The following FBRSL1 variants were observed in gnomAD, a reference collection of about 807,000 sequenced individuals.
The protein encoded by FBRSL1 is fibrosin like 1.
Under a neutral mutation model 89.6 loss-of-function variants are expected in FBRSL1, and 51 were observed. That is an observed-to-expected ratio of 0.57 (90% CI 0.45 to 0.72). The LOEUF (loss-of-function observed/expected upper bound fraction) is 0.72, where lower values mean the gene tolerates loss of function less well. Ranked by LOEUF, FBRSL1 falls within the 30% of genes least tolerant of loss-of-function variation. The pLI is 0.00. For missense variants in FBRSL1, 1,618 were observed against 1,451.8 expected (o/e 1.11, Z -1.86); for synonymous variants, 779 against 681.1 (o/e 1.14, Z -2.24).
intron 1 of FBRSL1, 29 bp downstream of exon 1, chr12:132,490,890 G>A: frequency 7.6e-7 from 1 of 1,317,420 alleles, no homozygotes; most frequent in Non-Finnish European, 9.7e-7. Context: ...CTTCGCAGGC[G>A]TTGAGGCGAG....
At position 132,583,380 on chromosome 12, in the gene FBRSL1, GC is replaced by G; in HGVS notation, c.2615del (p.Pro872ArgfsTer89). The G allele has an allele frequency of 9.1e-7, 1 of 1,093,534 alleles. No individual in the cohort carries two copies. The highest frequency in any genetic ancestry group is 3.0e-5 in the South Asian group (1 of 33,084). 67.7% of individuals were successfully genotyped at this position (1,093,534 alleles called of 1,614,324 possible). A position where few individuals can be genotyped will look rare whatever the true frequency, so the allele number is the denominator to read the frequency against. On this transcript the variant is annotated frameshift_variant, in exon 19 of 19. Transcript: ENST00000680143. LOFTEE classifies it high-confidence loss of function. ...PRRAFPAAAP[A>X]PGSAALLEPP... ...TCGCGCCTTCCCCGCTGCCGCCCCCGCCCCGGGCTCCGCCGCCCTCTTGGAG... is the reference window on the plus strand; with the variant it reads ...TCGCGCCTTCCCCGCTGCCGCCCCCGCCCGGGCTCCGCCGCCCTCTTGGAG...
chr12:132,550,864 A>T (rs1593451330), intron 5 of FBRSL1: 1 of 157,102 alleles, frequency 6.4e-6, no homozygotes, highest in East Asian at 1.8e-4. Context: ...AGGAGGCCTC[A>T]GGTCCCTCCT....
At chr12:132,508,724 G>T (rs1433795189) in intron 2 of FBRSL1, among the ~76,000 whole-genome samples, 7 of 152,270 alleles carry the variant, frequency 4.6e-5, no homozygotes, top group Non-Finnish European at 7.3e-5. Flanking sequence ...CAGGCTCATT[G>T]CCGAGGGCTG....
chr12:132,508,149 G>A lies in FBRSL1; in HGVS notation c.292-4G>A. On this transcript the variant is annotated splice_region_variant and splice_polypyrimidine_tract_variant and intron_variant, in intron 1 of 18. Coordinates refer to ENST00000680143, the MANE Select transcript of FBRSL1 (RefSeq NM_001367871.1). ...TTAACTGGCGTTTCCCTGTCTCCCT[G>A]CAGAAGGATATGGCCCTGAAGCCAC... The A allele has an allele frequency of 2.6e-6, 4 of 1,550,930 alleles. No individual in the cohort carries two copies. The highest frequency in any genetic ancestry group is 3.5e-6 in the Non-Finnish European group (4 of 1,146,872).
chr12:132,503,062 G>T (rs952569486), intron 1 of FBRSL1, among the ~76,000 whole-genome samples: 3 of 152,028 alleles, frequency 2.0e-5, no homozygotes, highest in Admixed American at 1.3e-4. Context: ...CTCCCAAGGG[G>T]TGGAGTGCAG....
intron 18 of FBRSL1, among the ~76,000 whole-genome samples, 194 bp downstream of exon 18, chr12:132,582,460 C>T (rs370315060): frequency 2.7e-5 from 4 of 149,462 alleles, no homozygotes; most frequent in East Asian, 4.1e-4. Flanking sequence ...CCCACTGCTG[C>T]GCACTCACAG....
In FBRSL1 at chr12:132,499,695, G is replaced by T. The variant is rs1290423820; in HGVS notation, c.292-8458G>T. Among the ~76,000 whole-genome samples the T allele has an allele frequency of 6.6e-6, 1 of 152,064 alleles. No homozygotes were observed. Among genetic ancestry groups the T allele is most frequent in the East Asian group, 1.9e-4 (1 of 5,166 alleles). On this transcript the variant is annotated intron_variant, in intron 1 of 18. Coordinates refer to ENST00000680143, the MANE Select transcript of FBRSL1 (RefSeq NM_001367871.1). The surrounding 1 kb of genome is among the most constrained non-coding windows in gnomAD (Gnocchi z 4.3). Reference sequence around the variant, plus strand: ...TGGCAGGCAGGCTGGAGACAGCTGGGGGCTGTGGCTGGGGGGCTGCAGGGC... The same window carrying T: ...TGGCAGGCAGGCTGGAGACAGCTGGTGGCTGTGGCTGGGGGGCTGCAGGGC...
intron 5 of FBRSL1, among the ~76,000 whole-genome samples, chr12:132,563,553 C>CATTT (rs1209496348): frequency 4.6e-5 from 7 of 152,100 alleles, no homozygotes; most frequent in African/African-American, 1.4e-4. Flanking sequence ...TCCGTCTGTC[C>CATTT]GTTTGCCTGT....
chr12:132,531,623 G>C (rs998240314), intron 4 of FBRSL1, among the ~76,000 whole-genome samples: 1 of 152,168 alleles, frequency 6.6e-6, no homozygotes, highest in Admixed American at 6.5e-5. Context: ...ATGTGGCATT[G>C]TGTTGTGCAC....
intron 15 of FBRSL1, chr12:132,580,976 A>C: frequency 1.0e-6 from 1 of 985,476 alleles, no homozygotes; most frequent in Non-Finnish European, 1.2e-6. Context: ...GGAATGCCAC[A>C]AGGGGCTGCC....
chr12:132,580,637 C>G (rs2040681501), intron 15 of FBRSL1, among the ~76,000 whole-genome samples: 1 of 152,216 alleles, frequency 6.6e-6, no homozygotes, highest in Admixed American at 6.5e-5. Context: ...AGAGTGGCAT[C>G]AGCTTTCATG....
At chr12:132,576,159 G>A (rs2040367932) in intron 14 of FBRSL1, among the ~76,000 whole-genome samples, 1 of 147,202 alleles carries the variant, frequency 6.8e-6, no homozygotes, top group South Asian at 2.2e-4. Flanking sequence ...CAGCATATTT[G>A]GAACAACTTG....
chr12:132,560,501 C>T (rs1167977651), intron 5 of FBRSL1, among the ~76,000 whole-genome samples: 3 of 152,018 alleles, frequency 2.0e-5, no homozygotes, highest in Non-Finnish European at 4.4e-5. Context: ...TTGTGGGTGG[C>T]GCGCGCCTTT....
chr12:132,494,407 C>T (rs1018770165), intron 1 of FBRSL1, among the ~76,000 whole-genome samples: 5 of 152,240 alleles, frequency 3.3e-5, no homozygotes, highest in Admixed American at 2.0e-4. Flanking sequence ...CCATCCTTAT[C>T]TGGCCTCAGG....
chr12:132,564,051 C>T (rs2039385864), intron 5 of FBRSL1, among the ~76,000 whole-genome samples: 1 of 152,218 alleles, frequency 6.6e-6, no homozygotes, highest in Non-Finnish European at 1.5e-5. Flanking sequence ...CGGCTGCGTG[C>T]TCTTTGTGGT....
At chr12:132,527,803 CG>C in intron 3 of FBRSL1, 149 bp from the exon 4 acceptor site, 1 of 738,688 alleles carries the variant, frequency 1.4e-6, no homozygotes, top group Non-Finnish European at 2.3e-6. Context: ...TTGAGGGCTT[CG>C]GGTCTGTGGA....
chr12:132,511,550 CAG>C lies in FBRSL1; in HGVS notation c.489+3201_489+3202del. ...GGGGGCTTTGACTGTCTCCAGACCT[CAG>C]GGGAGCTGGGCAGGCTCTAACCAGT... On this transcript the variant is annotated intron_variant, in intron 2 of 18. Transcript: ENST00000680143. 6.1e-6 allele frequency: 6 copies of C among 985,728 alleles called. No individual in the cohort carries two copies. The South Asian group carries it at 2.8e-4, about 46-fold the overall frequency. The allele number at this position is 985,728 out of a possible 1,614,324, so 61.1% of individuals were successfully genotyped here. A position where few individuals can be genotyped will look rare whatever the true frequency, so the allele number is the denominator to read the frequency against.
intron 4 of FBRSL1, among the ~76,000 whole-genome samples, chr12:132,544,799 T>TGGCAATGGC (rs1335589674): frequency 6.6e-6 from 1 of 151,802 alleles, no homozygotes; most frequent in Non-Finnish European, 1.5e-5. Context: ...ATGGTGATGG[T>TGGCAATGGC]GGCAATGGCG....
intron 3 of FBRSL1, among the ~76,000 whole-genome samples, 163 bp from the exon 4 acceptor site, chr12:132,527,790 G>A (rs1315548558): frequency 1.4e-5 from 2 of 147,500 alleles, no homozygotes; most frequent in Non-Finnish European, 3.0e-5. Flanking sequence ...CTGCCGGGCA[G>A]GGTTGAGGGC....
Sources: gnomAD v4.1 joint callset for allele counts (sites outside exome capture counted in the v4.1 genomes callset) on GRCh38, gnomAD v4.1.1 for gene constraint, Gnocchi (gnomAD v3.1) non-coding constraint, MANE v1.5 for transcripts, NCBI Gene and HGNC (gene_info 2026-07-23, HGNC 2026-07-21) for gene names.